Variants in PACSIN2 observed in about 807,000 individuals in gnomAD.
PACSIN2 encodes protein kinase C and casein kinase substrate in neurons 2.
Under a neutral mutation model 63.8 loss-of-function variants are expected in PACSIN2, and 25 were observed. The observed-to-expected ratio is 0.39, with a 90% CI of 0.29 to 0.55. The LOEUF is 0.55. Among genes scored for constraint, PACSIN2 ranks in the 20% least tolerant of loss-of-function variants. PACSIN2 has a pLI of 0.62. For synonymous variants in PACSIN2, 255 were observed against 256.2 expected (o/e 1.00, Z 0.05); for missense variants, 518 against 646.9 (o/e 0.80, Z 2.16).
rs114399722 is a variant in PACSIN2, at chr22:42,998,638, C to T, written c.-78+16383G>A. On this transcript the variant is annotated intron_variant, in intron 1 of 10. Transcript: ENST00000263246. ...GGTATTTTGTTAATCATAATCACAGCATCATTTATATATAGTAATGATACA... is the reference window on the plus strand; with the variant it reads ...GGTATTTTGTTAATCATAATCACAGTATCATTTATATATAGTAATGATACA... 5.4e-3 allele frequency among the ~76,000 whole-genome samples: 827 copies of T among 152,276 alleles called. 6 individuals carry two copies. The highest frequency in any genetic ancestry group is 0.018 in the African/African-American group (757 of 41,550).
At chr22:42,894,459 T>A (rs993464572) in intron 2 of PACSIN2, among the ~76,000 whole-genome samples, 1 of 152,200 alleles carries the variant, frequency 6.6e-6, no homozygotes, top group Non-Finnish European at 1.5e-5. Flanking sequence ...GCCAGGATGG[T>A]CTCAATCTCC....
chr22:42,930,103 G>A (rs1458223580), intron 1 of PACSIN2, among the ~76,000 whole-genome samples: 2 of 152,132 alleles, frequency 1.3e-5, no homozygotes, highest in Admixed American at 6.5e-5. Flanking sequence ...TTTTCTCATC[G>A]CGAACCATGA....
chr22:43,009,850 CATTTT>C (rs1408554115), intron 1 of PACSIN2, among the ~76,000 whole-genome samples: 1 of 147,218 alleles, frequency 6.8e-6, no homozygotes, highest in South Asian at 2.2e-4. Flanking sequence ...GTTGAGACAT[CATTTT>C]ATTTTTTCTA....
intron 5 of PACSIN2, among the ~76,000 whole-genome samples, chr22:42,888,130 C>T (rs1890218237): frequency 6.6e-6 from 1 of 152,110 alleles, no homozygotes; most frequent in South Asian, 2.1e-4. Flanking sequence ...TCCCTGATCC[C>T]ACCCAGGCTC....
chr22:42,925,319 A>G (rs1259134297), intron 1 of PACSIN2, among the ~76,000 whole-genome samples: 2 of 151,916 alleles, frequency 1.3e-5, no homozygotes, highest in Admixed American at 6.6e-5. Context: ...ATTTCTACTA[A>G]AAATACAAAA....
chr22:42,897,893 C>A (rs1377238652), intron 2 of PACSIN2, among the ~76,000 whole-genome samples: 1 of 152,118 alleles, frequency 6.6e-6, no homozygotes, highest in Non-Finnish European at 1.5e-5. Flanking sequence ...ACATGGCAAC[C>A]CTGGGGCCCT....
chr22:42,931,940 G>A (rs777216308), intron 1 of PACSIN2, among the ~76,000 whole-genome samples: 40 of 152,268 alleles, frequency 2.6e-4, no homozygotes, highest in African/African-American at 8.4e-4. Context: ...GAAACTCAAC[G>A]TTAAAGAGAA....
At chr22:42,997,657 G>C (rs1467816773) in intron 1 of PACSIN2, among the ~76,000 whole-genome samples, 2 of 151,886 alleles carry the variant, frequency 1.3e-5, no homozygotes, top group Admixed American at 1.3e-4. Context: ...TTTCTAGGGG[G>C]AAAGAATCTA....
intron 1 of PACSIN2, among the ~76,000 whole-genome samples, chr22:42,946,173 C>A (rs1300602781): frequency 6.6e-6 from 1 of 152,200 alleles, no homozygotes; most frequent in African/African-American, 2.4e-5. Flanking sequence ...AATAAGAATC[C>A]TTCCAATTAC....
At chr22:42,957,950 T>C (rs893736921) in intron 1 of PACSIN2, among the ~76,000 whole-genome samples, 2 of 152,102 alleles carry the variant, frequency 1.3e-5, no homozygotes, top group Non-Finnish European at 2.9e-5. Context: ...ATATAGAGAA[T>C]TGTTGATTTT....
intron 1 of PACSIN2, among the ~76,000 whole-genome samples, chr22:42,920,509 A>G (rs982221650): frequency 6.6e-6 from 1 of 152,132 alleles, no homozygotes; most frequent in Non-Finnish European, 1.5e-5. Flanking sequence ...CACTTTTTGG[A>G]AAGAAACAAA....
chr22:42,961,656 C>A lies in PACSIN2; in HGVS notation c.-77-49499G>T, dbSNP rs1374915914. ...GGTGTAGTGGCACATGCCTGTAATCCCAGCTACTCAGGAGGCTGAGGCACG... is the reference window on the plus strand; with the variant it reads ...GGTGTAGTGGCACATGCCTGTAATCACAGCTACTCAGGAGGCTGAGGCACG... On this transcript the variant is annotated intron_variant, in intron 1 of 10. Coordinates refer to ENST00000263246, the MANE Select transcript of PACSIN2 (RefSeq NM_001184970.3). Among the ~76,000 whole-genome samples, 3 of 151,794 alleles carry A rather than the reference C, an allele frequency of 2.0e-5. No individual in the cohort carries two copies. The East Asian group carries it at 5.8e-4, about 29-fold the overall frequency.
At chr22:43,014,468 C>T (rs1318783196) in intron 1 of PACSIN2, among the ~76,000 whole-genome samples, 1 of 151,924 alleles carries the variant, frequency 6.6e-6, no homozygotes, top group Non-Finnish European at 1.5e-5. Flanking sequence ...TGCGTCGCCC[C>T]CCAGGCCACC....
chr22:42,882,123 A>C (rs1929119604), intron 7 of PACSIN2, 61 bp downstream of exon 7: 1 of 1,577,706 alleles, frequency 6.3e-7, no homozygotes, highest in African/African-American at 1.3e-5. Flanking sequence ...ATCATCTAGC[A>C]ACTCTGTGGG....
At chr22:42,947,326 T>C (rs1004772200) in intron 1 of PACSIN2, among the ~76,000 whole-genome samples, 2 of 152,122 alleles carry the variant, frequency 1.3e-5, no homozygotes, top group Non-Finnish European at 2.9e-5. Flanking sequence ...ACAACATGCA[T>C]GAGTCAGAGT....
intron 1 of PACSIN2, among the ~76,000 whole-genome samples, chr22:42,927,777 G>C (rs1932633821): frequency 6.6e-6 from 1 of 151,832 alleles, no homozygotes; most frequent in African/African-American, 2.4e-5. Context: ...AGTAGAGATG[G>C]GGTTTCGCCA....
intron 10 of PACSIN2, among the ~76,000 whole-genome samples, chr22:42,873,053 G>T (rs568268179): frequency 8.5e-5 from 13 of 152,158 alleles, no homozygotes; most frequent in Non-Finnish European, 1.8e-4. Context: ...CGCAAGAGAC[G>T]TAAGTCAAGC....
chr22:42,885,729 CT>C (rs1349842011), intron 5 of PACSIN2, among the ~76,000 whole-genome samples: 2 of 152,078 alleles, frequency 1.3e-5, no homozygotes, highest in Non-Finnish European at 2.9e-5. Flanking sequence ...ACCCCGCCCT[CT>C]AGGGCCCTGA....
At chr22:42,899,867 A>G (rs938716881) in intron 2 of PACSIN2, among the ~76,000 whole-genome samples, 1 of 152,240 alleles carries the variant, frequency 6.6e-6, no homozygotes, top group African/African-American at 2.4e-5. Flanking sequence ...TGCCATTTAC[A>G]TCAATTAAGA....
Sources: gnomAD v4.1 joint callset for allele counts (sites outside exome capture counted in the v4.1 genomes callset) on GRCh38, gnomAD v4.1.1 for gene constraint, MANE v1.5 for transcripts, NCBI Gene and HGNC (gene_info 2026-07-23, HGNC 2026-07-21) for gene names.